The following RBM4 variants were observed in gnomAD, a reference collection of about 807,000 sequenced individuals.
RBM4 encodes the protein RNA binding motif protein 4.
RBM4 carries 7 observed loss-of-function variants against 29.5 expected under a neutral mutation model. The observed-to-expected ratio is 0.24, with a 90% CI of 0.14 to 0.45. The LOEUF (loss-of-function observed/expected upper bound fraction) is 0.45. Ranked by LOEUF, RBM4 falls within the 20% of genes least tolerant of loss-of-function variation. The probability of loss-of-function intolerance (pLI) is 1.00; values close to 1 mark genes in which losing one functional copy is unlikely to be tolerated. For missense variants in RBM4, 387 were observed against 502.3 expected (o/e 0.77, Z 2.19); for synonymous variants, 220 against 205.4 (o/e 1.07, Z -0.61).
chr11:66,658,396 C>T (rs1939001812), intron 2 of RBM4, among the ~76,000 whole-genome samples: 1 of 128,534 alleles, frequency 7.8e-6, no homozygotes, highest in Non-Finnish European at 1.6e-5. Context: ...AGAATAGGCT[C>T]AGAGATTCCC....
chr11:66,655,349 G>A (rs1938927223), intron 2 of RBM4, among the ~76,000 whole-genome samples: 1 of 151,636 alleles, frequency 6.6e-6, no homozygotes, highest in African/African-American at 2.4e-5. Context: ...CAGTGCAGTG[G>A]GGTGATCTTG....
intron 2 of RBM4, among the ~76,000 whole-genome samples, chr11:66,656,387 G>A (rs1327375657): frequency 6.6e-6 from 1 of 151,858 alleles, no homozygotes; most frequent in African/African-American, 2.4e-5. Context: ...TGATCCACCC[G>A]CCTCGGCCTC....
At chr11:66,652,979 TA>T (rs1308424467) in intron 2 of RBM4, among the ~76,000 whole-genome samples, 3 of 147,642 alleles carry the variant, frequency 2.0e-5, no homozygotes, top group Non-Finnish European at 4.6e-5. Flanking sequence ...ATTTTTGTCT[TA>T]AGTTGTCACA....
chr11:66,660,265 C>T (rs1195295843), intron 2 of RBM4, among the ~76,000 whole-genome samples: 1 of 151,320 alleles, frequency 6.6e-6, no homozygotes, highest in African/African-American at 2.4e-5. Context: ...GTAGATATGT[C>T]CTCCCATTAT....
downstream of RBM4, among the ~76,000 whole-genome samples, chr11:66,650,962 C>T (rs1247541038): frequency 1.3e-5 from 2 of 152,160 alleles, no homozygotes; most frequent in Non-Finnish European, 2.9e-5. Context: ...GCGGATGTTG[C>T]AGTGAGCAGA....
intron 2 of RBM4, among the ~76,000 whole-genome samples, chr11:66,653,853 G>A (rs1353660500): frequency 4.2e-5 from 6 of 141,928 alleles, no homozygotes; most frequent in Non-Finnish European, 7.5e-5. Flanking sequence ...CTGCTCTGTC[G>A]CCCAGGATAG....
chr11:66,649,160 C>T (rs1938772283), downstream of RBM4, among the ~76,000 whole-genome samples: 1 of 152,036 alleles, frequency 6.6e-6, no homozygotes, highest in Non-Finnish European at 1.5e-5. Context: ...GCGCCTGCCA[C>T]CACACCTGGC....
chr11:66,666,288 T>A, exon 3 of RBM4: 2 of 1,088,418 alleles, frequency 1.8e-6, no homozygotes, highest in Non-Finnish European at 2.2e-6. Context: ...TTCCTCTACT[T>A]ATTACAGACA....
At chr11:66,653,237 A>G (rs541989112) in intron 2 of RBM4, among the ~76,000 whole-genome samples, 71 of 151,810 alleles carry the variant, frequency 4.7e-4, no homozygotes, top group Non-Finnish European at 8.1e-4. Flanking sequence ...TAATACATGG[A>G]TTTTCTTCTG....
At chr11:66,653,819 C>CTTT (rs58736660) in intron 2 of RBM4, among the ~76,000 whole-genome samples, 1 of 135,300 alleles carries the variant, frequency 7.4e-6, no homozygotes, top group Non-Finnish European at 1.6e-5. Context: ...TTTTTTTTTT[C>CTTT]TTTTTTTTTT....
chr11:66,663,510 G>C (rs1206962615), intron 2 of RBM4, among the ~76,000 whole-genome samples: 1 of 151,890 alleles, frequency 6.6e-6, no homozygotes, highest in East Asian at 1.9e-4. Flanking sequence ...GACTACAGGC[G>C]CCCGCCACCA....
chr11:66,653,195 GAAC>G lies in RBM4; in HGVS notation c.413-12655_413-12653del, dbSNP rs779899079. On this transcript the variant is annotated intron_variant, in intron 2 of 2. Coordinates refer to the RBM4 transcript ENST00000396053. ...GGCTTCCTTTGTACAGTTGACCATT[GAAC>G]AACAAGGGTTTGAACTGTGCAGGTT... 9.2e-5 allele frequency among the ~76,000 whole-genome samples: 14 copies of G among 152,112 alleles called. No homozygotes were observed. In the South Asian group the frequency reaches 1.7e-3, roughly 18 times the overall value.
At chr11:66,659,211 C>T (rs1298592360) in intron 2 of RBM4, among the ~76,000 whole-genome samples, 2 of 146,990 alleles carry the variant, frequency 1.4e-5, no homozygotes. Flanking sequence ...AACCTCTCTT[C>T]TGTGCTCAAG....
downstream of RBM4, among the ~76,000 whole-genome samples, chr11:66,647,316 T>C (rs1256265907): frequency 6.6e-6 from 1 of 152,248 alleles, no homozygotes; most frequent in Non-Finnish European, 1.5e-5. Flanking sequence ...GAAGCTGGTC[T>C]TTACTTCGAT....
At chr11:66,641,585 C>T (rs1478233603) in intron 2 of RBM4, among the ~76,000 whole-genome samples, 3 of 152,260 alleles carry the variant, frequency 2.0e-5, no homozygotes, top group Non-Finnish European at 2.9e-5. Flanking sequence ...GAGGTGGTGT[C>T]TGCTTGTAGC....
At chr11:66,651,137 T>C (rs1302490503), downstream of RBM4, among the ~76,000 whole-genome samples, 1 of 151,332 alleles carries the variant, frequency 6.6e-6, no homozygotes, top group Non-Finnish European at 1.5e-5. Context: ...GGGGATGGAG[T>C]AGTGAGAGTG....
At chr11:66,645,553 T>A (rs981109540) in intron 3 of RBM4, among the ~76,000 whole-genome samples, 1 of 152,222 alleles carries the variant, frequency 6.6e-6, no homozygotes, top group African/African-American at 2.4e-5. Context: ...GTCTTAAAAC[T>A]TGTGCAGTTG....
At chr11:66,667,757 A>T (rs1340571213) in exon 3 of RBM4, 3 of 151,632 alleles carry the variant, frequency 2.0e-5, no homozygotes, top group African/African-American at 7.3e-5. Flanking sequence ...AGGCTGGAAT[A>T]CAGTGGTGTG....
intron 3 of RBM4, 136 bp downstream of exon 3, chr11:66,644,276 G>T (rs914520492): frequency 1.6e-6 from 2 of 1,248,738 alleles, no homozygotes; most frequent in African/African-American, 3.0e-5. Flanking sequence ...TCACAGGCTA[G>T]AGAGAAGTCC....
Sources: gnomAD v4.1 joint callset for allele counts (sites outside exome capture counted in the v4.1 genomes callset) on GRCh38, gnomAD v4.1.1 for gene constraint, MANE v1.5 for transcripts, NCBI Gene and HGNC (gene_info 2026-07-23, HGNC 2026-07-21) for gene names.